The following MKLN1 variants were observed in gnomAD, a reference collection of about 807,000 sequenced individuals.
The protein encoded by MKLN1 is muskelin 1, also known as muskelin.
Under a neutral mutation model 99.0 loss-of-function variants are expected in MKLN1, and 18 were observed. The observed-to-expected ratio is 0.18, with a 90% confidence interval of 0.13 to 0.27. The LOEUF is 0.27. Ranked by LOEUF, MKLN1 falls within the 10% of genes least tolerant of loss-of-function variation. MKLN1 has a pLI of 1.00. For synonymous variants in MKLN1, 288 were observed against 293.2 expected (o/e 0.98, Z 0.18); for missense variants, 621 against 875.9 (o/e 0.71, Z 3.67).
At chr7:131,282,356 A>C (rs542899708) in intron 3 of MKLN1, among the ~76,000 whole-genome samples, 2 of 151,786 alleles carry the variant, frequency 1.3e-5, no homozygotes, top group African/African-American at 4.8e-5. Flanking sequence ...TCTCAAAAAA[A>C]AAAAAAAAAA....
chr7:131,394,512 C>T (rs1003272529), intron 4 of MKLN1, among the ~76,000 whole-genome samples: 3 of 152,054 alleles, frequency 2.0e-5, no homozygotes, highest in Non-Finnish European at 4.4e-5. Context: ...CTAATGCCAA[C>T]GCTGATCTGA....
chr7:131,166,088 C>T (rs1315590239), intron 2 of MKLN1, among the ~76,000 whole-genome samples: 2 of 121,008 alleles, frequency 1.7e-5, no homozygotes, highest in Non-Finnish European at 3.5e-5. Flanking sequence ...GCACTCCAGC[C>T]TGGGAGACTC....
At chr7:131,303,080 G>A (rs1247437409) in intron 3 of MKLN1, among the ~76,000 whole-genome samples, 1 of 152,116 alleles carries the variant, frequency 6.6e-6, no homozygotes. Flanking sequence ...CAAGGTCACA[G>A]CCCAGACCAA....
chr7:131,207,007 G>A (rs984721346), intron 3 of MKLN1, among the ~76,000 whole-genome samples: 17 of 152,164 alleles, frequency 1.1e-4, no homozygotes, highest in Admixed American at 9.8e-4. Flanking sequence ...CTAGGTGTGG[G>A]TGTGTATGGT....
chr7:131,252,647 A>G (rs971540436), intron 3 of MKLN1, among the ~76,000 whole-genome samples: 21 of 152,132 alleles, frequency 1.4e-4, no homozygotes, highest in African/African-American at 4.3e-4. Context: ...ATTTTAACAC[A>G]GTATAGTGTT....
intron 1 of MKLN1, among the ~76,000 whole-genome samples, chr7:131,338,060 C>G (rs1438321708): frequency 6.6e-6 from 1 of 152,108 alleles, no homozygotes; most frequent in Admixed American, 6.6e-5. Flanking sequence ...ACTTGGTAGC[C>G]CCCTAGAGAT....
At chr7:131,439,489 T>C (rs966009675) in intron 10 of MKLN1, among the ~76,000 whole-genome samples, 1 of 152,178 alleles carries the variant, frequency 6.6e-6, no homozygotes. Flanking sequence ...TCAGTACTAA[T>C]TCAGCCAACA....
At chr7:131,250,462 G>A (rs917529483) in intron 3 of MKLN1, among the ~76,000 whole-genome samples, 6 of 152,126 alleles carry the variant, frequency 3.9e-5, no homozygotes, top group African/African-American at 1.4e-4. Context: ...AATCTTGCAG[G>A]ACCGAGGCTG....
intron 3 of MKLN1, among the ~76,000 whole-genome samples, chr7:131,292,038 T>A (rs1798226934): frequency 6.6e-6 from 1 of 152,010 alleles, no homozygotes; most frequent in African/African-American, 2.4e-5. Context: ...GCATAGGAGT[T>A]TGAGGCAGTA....
At chr7:131,138,625 G>A (rs931150143) in intron 1 of MKLN1, among the ~76,000 whole-genome samples, 5 of 152,006 alleles carry the variant, frequency 3.3e-5, no homozygotes, top group Admixed American at 6.6e-5. Context: ...TTTCAAGCTC[G>A]TTAAATGAGA....
At chr7:131,414,937 A>G (rs1794973324) in intron 8 of MKLN1, among the ~76,000 whole-genome samples, 1 of 152,062 alleles carries the variant, frequency 6.6e-6, no homozygotes, top group South Asian at 2.1e-4. Context: ...GTATTTCTGG[A>G]TTTTTGTTGC....
At chr7:131,168,509 A>AC (rs1796168200) in intron 2 of MKLN1, among the ~76,000 whole-genome samples, 1 of 151,822 alleles carries the variant, frequency 6.6e-6, no homozygotes. Flanking sequence ...CATCCTAGCT[A>AC]CCCCTGTCCC....
At chr7:131,165,625 G>A (rs1481203318) in intron 2 of MKLN1, among the ~76,000 whole-genome samples, 1 of 152,240 alleles carries the variant, frequency 6.6e-6, no homozygotes, top group Non-Finnish European at 1.5e-5. Context: ...TGGGAGATAA[G>A]TTTTGAGCAC....
intron 1 of MKLN1, among the ~76,000 whole-genome samples, chr7:131,334,269 A>C (rs1288246851): frequency 6.6e-6 from 1 of 152,200 alleles, no homozygotes; most frequent in Admixed American, 6.5e-5. Context: ...AACTCCCAGG[A>C]GACCGGATAC....
At chr7:131,282,211 TG>T (rs756490246) in intron 3 of MKLN1, among the ~76,000 whole-genome samples, 2 of 151,948 alleles carry the variant, frequency 1.3e-5, no homozygotes, top group Non-Finnish European at 2.9e-5. Context: ...TAGCTGGGCA[TG>T]GTGGCGCATG....
chr7:131,333,036 G>A (rs566199923), intron 1 of MKLN1, among the ~76,000 whole-genome samples: 11 of 151,996 alleles, frequency 7.2e-5, no homozygotes, highest in Non-Finnish European at 7.4e-5. Context: ...CAATTCTTGT[G>A]CCTCAGCCTC....
intron 2 of MKLN1, among the ~76,000 whole-genome samples, chr7:131,165,557 G>A (rs1319684496): frequency 1.3e-5 from 2 of 152,142 alleles, no homozygotes; most frequent in Non-Finnish European, 2.9e-5. Context: ...CAGTAATAAA[G>A]TACAGAGCTG....
chr7:131,277,224 A>T (rs1007115207), intron 3 of MKLN1, among the ~76,000 whole-genome samples: 2 of 152,172 alleles, frequency 1.3e-5, no homozygotes, highest in Non-Finnish European at 2.9e-5. Context: ...AGAAAACCTA[A>T]TGTTTGATAG....
upstream of MKLN1, among the ~76,000 whole-genome samples, chr7:131,325,856 T>C (rs774884367): frequency 3.6e-5 from 5 of 138,894 alleles, no homozygotes; most frequent in Non-Finnish European, 4.6e-5. Flanking sequence ...ACAAATTCAG[T>C]GTGCTAGTTA....
Sources: allele counts gnomAD v4.1 joint callset (sites outside exome capture counted in the v4.1 genomes callset), GRCh38; gene constraint gnomAD v4.1.1; transcripts MANE v1.5; gene names NCBI Gene and HGNC (gene_info 2026-07-23, HGNC 2026-07-21).